The following PAN3 variants were observed in gnomAD, a reference collection of about 807,000 sequenced individuals.
PAN3 encodes the protein PAN2-PAN3 deadenylation complex subunit PAN3.
In PAN3, 19 loss-of-function variants were observed where a neutral mutation model predicts 96.2. That is an observed-to-expected ratio of 0.20 (90% confidence interval 0.14 to 0.29). The LOEUF (loss-of-function observed/expected upper bound fraction) is 0.29, where lower values mean the gene tolerates loss of function less well. Ranked by LOEUF, PAN3 falls within the 10% of genes least tolerant of loss-of-function variation. PAN3 has a pLI of 1.00. For missense variants in PAN3, 882 were observed against 1,108.1 expected (o/e 0.80, Z 2.90); for synonymous variants, 433 against 406.6 (o/e 1.06, Z -0.78).
intron 1 of PAN3, among the ~76,000 whole-genome samples, chr13:28,152,369 A>T (rs561819241): frequency 6.6e-6 from 1 of 152,240 alleles, no homozygotes; most frequent in African/African-American, 2.4e-5. Flanking sequence ...GGATCGCCTT[A>T]GGTCAGGAGT....
At chr13:28,157,615 G>A (rs75761899) in intron 1 of PAN3, among the ~76,000 whole-genome samples, 1,834 of 152,142 alleles carry the variant, frequency 0.012, 42 homozygotes, top group African/African-American at 0.041. Context: ...CACAATAGCC[G>A]TGAAAAATAA....
chr13:28,169,222 CTTTTTTTTTTT>C (rs202200725), intron 1 of PAN3, among the ~76,000 whole-genome samples: 12,966 of 75,710 alleles, frequency 0.17, 766 homozygotes, highest in East Asian at 0.42. Flanking sequence ...TTTTTGTTTG[CTTTTTTTTTTT>C]TTTTTTTTTT....
At chr13:28,264,859 T>C (rs1886028521) in intron 9 of PAN3, among the ~76,000 whole-genome samples, 1 of 152,212 alleles carries the variant, frequency 6.6e-6, no homozygotes, top group African/African-American at 2.4e-5. Flanking sequence ...AACAAGGCTT[T>C]AGGTGATTGT....
At position 28,220,257 on chromosome 13, in the gene PAN3, T is replaced by C. The variant is rs1176434941; in HGVS notation, c.879T>C (p.Phe293=). Residue 293 remains phenylalanine (F), a synonymous_variant, in exon 6 of 19, where the codon TTT becomes TTC. Coordinates refer to ENST00000380958, the MANE Select transcript of PAN3 (RefSeq NM_175854.8). ...CACCAAATCCTACTGCAAGCGAGTT[T>C]ATTCCTAAAGGAGGATCAACCTCCA... is the stretch of plus-strand genomic sequence containing the variant. ...LQTPNPTASE[F]IPKGGSTSRL... The C allele has an allele frequency of 6.2e-7, 1 of 1,613,310 alleles. No individual in the cohort carries two copies. The highest frequency in any genetic ancestry group is 1.1e-5 in the South Asian group (1 of 90,958).
At chr13:28,221,947 A>AT (rs1566200879) in intron 6 of PAN3, among the ~76,000 whole-genome samples, 28 of 152,192 alleles carry the variant, frequency 1.8e-4, no homozygotes. Flanking sequence ...CAGTGTTGTA[A>AT]TTCAACTTTA....
Position 28,161,814 on chromosome 13 carries a change from A to G in PAN3, c.431-12458A>G, listed in dbSNP as rs552985103. Among the ~76,000 whole-genome samples the G allele has an allele frequency of 3.3e-5, 5 of 152,250 alleles. No homozygotes were observed. The East Asian group carries it at 7.7e-4, about 24-fold the overall frequency. On this transcript the variant is annotated intron_variant, in intron 1 of 18. Transcript: ENST00000380958. ...GTTTGACTTTTTCCTTGGTTTGTGA[A>G]CTTTCGAGGGAGTTCCAGCTCTTCA...
intron 5 of PAN3, chr13:28,215,204 G>C: frequency 2.8e-6 from 2 of 712,858 alleles, no homozygotes; most frequent in Non-Finnish European, 5.3e-6. Flanking sequence ...CACTGCTTGA[G>C]GCTCTGGACT....
rs531209508 is a variant in PAN3 at position 28,163,759 on chromosome 13, T to C, written c.431-10513T>C. ...GTAACTGGAGGAGAAAGTTCAATCGTTATATGATTCTTGTAAAGATCTTAC... is the reference window on the plus strand; with the variant it reads ...GTAACTGGAGGAGAAAGTTCAATCGCTATATGATTCTTGTAAAGATCTTAC... On this transcript the variant is annotated intron_variant, in intron 1 of 18. Transcript: ENST00000380958. 7.7e-4 allele frequency among the ~76,000 whole-genome samples: 117 copies of C among 152,302 alleles called. No individual in the cohort carries two copies. The Middle Eastern group carries it at 0.02, about 27-fold the overall frequency.
At chr13:28,264,982 T>C (rs1337432546) in intron 9 of PAN3, among the ~76,000 whole-genome samples, 1 of 152,224 alleles carries the variant, frequency 6.6e-6, no homozygotes, top group Non-Finnish European at 1.5e-5. Flanking sequence ...TCTCTAGGCC[T>C]CTTGAGGGTA....
At chr13:28,186,664 G>C (rs1876509847) in intron 4 of PAN3, among the ~76,000 whole-genome samples, 1 of 152,110 alleles carries the variant, frequency 6.6e-6, no homozygotes. Context: ...TAAATAAAAT[G>C]GAAACCTTTT....
intron 17 of PAN3, among the ~76,000 whole-genome samples, chr13:28,286,603 C>T (rs147950895): frequency 6.6e-6 from 1 of 152,302 alleles, no homozygotes; most frequent in African/African-American, 2.4e-5. Context: ...TTTGTCAGGT[C>T]TACTAAGTCA....
At position 28,138,962 on chromosome 13, in the gene PAN3, C is replaced by T. The variant is rs573614975; in HGVS notation, c.305C>T (p.Ala102Val). 7.7e-7 allele frequency: 1 copy of T among 1,291,710 alleles called. No individual in the cohort carries two copies. The highest frequency in any genetic ancestry group is 9.8e-7 in the Non-Finnish European group (1 of 1,020,248). 80.0% of individuals were successfully genotyped at this position (1,291,710 alleles called of 1,614,324 possible). A position where few individuals can be genotyped will look rare whatever the true frequency, so the allele number is the denominator to read the frequency against. Residue 102 changes from alanine (A) to valine (V), a missense_variant, in exon 1 of 19, where the codon GCC becomes GTC. Physicochemically the swap from Ala to Val is moderately conservative, Grantham distance 64. Transcript: ENST00000380958. ...GAPVAGFPPG[A>V]VAGGGAGPPP... The stretch of plus-strand genomic sequence containing the variant: ...CCCGTGGCCGGCTTTCCGCCGGGAG[C>T]CGTCGCGGGCGGGGGAGCTGGGCCG...
chr13:28,272,560 A>G (rs967366777), intron 14 of PAN3, among the ~76,000 whole-genome samples: 1 of 150,662 alleles, frequency 6.6e-6, no homozygotes, highest in African/African-American at 2.4e-5. Context: ...ATTCATGACA[A>G]TGTCAGAGAC....
intron 6 of PAN3, among the ~76,000 whole-genome samples, chr13:28,248,517 G>A (rs566064177): frequency 0.017 from 111 of 6,628 alleles, no homozygotes; most frequent in African/African-American, 0.042. Context: ...TAGAGGAAAG[G>A]CTCTTTTTTT....
chr13:28,237,513 A>G (rs1048194592), intron 6 of PAN3, among the ~76,000 whole-genome samples: 1 of 152,172 alleles, frequency 6.6e-6, no homozygotes, highest in Non-Finnish European at 1.5e-5. Flanking sequence ...AAAAAATAGC[A>G]GCAGTACTCT....
rs1442925003 is a variant in PAN3 at position 28,174,183 on chromosome 13, CT to C, written c.431-86del. 8 of 1,364,680 alleles carry C rather than the reference CT, an allele frequency of 5.9e-6. No individual in the cohort carries two copies. The East Asian group carries it at 2.0e-4, about 34-fold the overall frequency. The allele number at this position is 1,364,680 out of a possible 1,614,324, so 84.5% of individuals were successfully genotyped here. A position where few individuals can be genotyped will look rare whatever the true frequency, so the allele number is the denominator to read the frequency against. ...AAAAATAAGTGTGACAGATTTGAGA[CT>C]TTACAACTTATTTAGGAACACAGAA... On this transcript the variant is annotated intron_variant, in intron 1 of 18. Coordinates refer to ENST00000380958, the MANE Select transcript of PAN3 (RefSeq NM_175854.8).
At chr13:28,149,608 T>C (rs559440851) in intron 1 of PAN3, among the ~76,000 whole-genome samples, 1 of 152,006 alleles carries the variant, frequency 6.6e-6, no homozygotes, top group East Asian at 1.9e-4. Flanking sequence ...TCTACATTCA[T>C]GTTTTGTTTG....
At chr13:28,237,569 G>A (rs1301930561) in intron 6 of PAN3, among the ~76,000 whole-genome samples, 1 of 152,156 alleles carries the variant, frequency 6.6e-6, no homozygotes, top group Non-Finnish European at 1.5e-5. Context: ...ACATAAAGCA[G>A]ATAAAGCTGG....
At chr13:28,156,823 T>C (rs1225461621) in intron 1 of PAN3, among the ~76,000 whole-genome samples, 3 of 151,806 alleles carry the variant, frequency 2.0e-5, no homozygotes, top group African/African-American at 7.3e-5. Context: ...TGAGTACCTA[T>C]GTCTACCAAA....
Sources: gnomAD v4.1 joint callset for allele counts (sites outside exome capture counted in the v4.1 genomes callset) on GRCh38, gnomAD v4.1.1 for gene constraint, MANE v1.5 for transcripts, NCBI Gene and HGNC (gene_info 2026-07-23, HGNC 2026-07-21) for gene names.